ATF6: variants seen among roughly 807,000 people sequenced by gnomAD.
ATF6 encodes the protein activating transcription factor 6, also known as cyclic AMP-dependent transcription factor ATF-6 alpha.
ATF6 carries 53 observed loss-of-function variants against 83.6 expected under a neutral mutation model. The observed-to-expected ratio is 0.63, with a 90% CI of 0.51 to 0.80. ATF6 has a LOEUF of 0.80. Among genes scored for constraint, ATF6 ranks in the 30% least tolerant of loss-of-function variants. ATF6 has a pLI of 0.00. For missense variants in ATF6, 744 were observed against 797.9 expected (o/e 0.93, Z 0.81); for synonymous variants, 288 against 285.8 (o/e 1.01, Z -0.08).
At chr1:161,889,976 T>C (rs1205294684) in intron 14 of ATF6, among the ~76,000 whole-genome samples, 2 of 152,254 alleles carry the variant, frequency 1.3e-5, no homozygotes, top group African/African-American at 4.8e-5. Context: ...ACACCCTTTA[T>C]GCAGATATAT....
intron 14 of ATF6, among the ~76,000 whole-genome samples, chr1:161,905,988 A>G (rs1424731359): frequency 6.6e-6 from 1 of 151,888 alleles, no homozygotes; most frequent in Non-Finnish European, 1.5e-5. Context: ...GCCTGCCACC[A>G]CGCCTGGCTA....
intron 6 of ATF6, among the ~76,000 whole-genome samples, chr1:161,799,324 C>CCTA (rs1425594191): frequency 9.0e-4 from 137 of 152,208 alleles, no homozygotes; most frequent in Middle Eastern, 3.4e-3. Flanking sequence ...ATAATTAATG[C>CCTA]AGGAACAGAA....
intron 15 of ATF6, among the ~76,000 whole-genome samples, chr1:161,930,582 T>C (rs1688410724): frequency 6.6e-6 from 1 of 152,230 alleles, no homozygotes; most frequent in Non-Finnish European, 1.5e-5. Context: ...CACTGGTCAG[T>C]TACTGTTTTG....
At chr1:161,804,410 G>C (rs1253833160) in intron 7 of ATF6, among the ~76,000 whole-genome samples, 1 of 152,096 alleles carries the variant, frequency 6.6e-6, no homozygotes, top group Non-Finnish European at 1.5e-5. Context: ...AGCATAGCTA[G>C]GATGGGGAGA....
intron 14 of ATF6, among the ~76,000 whole-genome samples, chr1:161,906,668 C>G (rs1282477506): frequency 6.6e-6 from 1 of 152,176 alleles, no homozygotes; most frequent in Non-Finnish European, 1.5e-5. Context: ...TCAAAAGTTT[C>G]CTCTTGTCAA....
Position 161,945,289 on chromosome 1 carries a change from A to G in ATF6, c.1805-13157A>G, listed in dbSNP as rs192539599. Reference sequence around the variant, plus strand: ...AGCATTTATTTGAAAACAAAATGAAACAAAACACCAATGCCCTCAGTCACC... The same window carrying G: ...AGCATTTATTTGAAAACAAAATGAAGCAAAACACCAATGCCCTCAGTCACC... On this transcript the variant is annotated intron_variant, in intron 15 of 15. Transcript: ENST00000367942. 4.4e-3 allele frequency among the ~76,000 whole-genome samples: 670 copies of G among 152,386 alleles called. 4 individuals are homozygous for G. The highest frequency in any genetic ancestry group is 6.3e-3 in the Non-Finnish European group (430 of 68,036).
intron 14 of ATF6, among the ~76,000 whole-genome samples, chr1:161,884,549 A>G (rs1195897702): frequency 1.3e-5 from 2 of 152,048 alleles, no homozygotes; most frequent in Non-Finnish European, 2.9e-5. Context: ...TCTAACTGTA[A>G]TTATCCTCAA....
intron 15 of ATF6, among the ~76,000 whole-genome samples, chr1:161,916,093 T>G (rs971470138): frequency 2.2e-4 from 34 of 152,348 alleles, no homozygotes; most frequent in African/African-American, 7.9e-4. Flanking sequence ...CTTTTGCCAT[T>G]TCACTTCATG....
intron 15 of ATF6, among the ~76,000 whole-genome samples, chr1:161,931,100 C>G (rs1688423877): frequency 6.6e-6 from 1 of 152,140 alleles, no homozygotes; most frequent in Non-Finnish European, 1.5e-5. Flanking sequence ...GTCTCAAACT[C>G]CTGACCTCAA....
chr1:161,836,502 G>A (rs1356044561), intron 9 of ATF6, among the ~76,000 whole-genome samples: 4 of 152,192 alleles, frequency 2.6e-5, no homozygotes, highest in Non-Finnish European at 5.9e-5. Context: ...TACTGAATCT[G>A]GAATTGCAGG....
chr1:161,877,141 C>T (rs965915543), intron 14 of ATF6, among the ~76,000 whole-genome samples: 4 of 151,888 alleles, frequency 2.6e-5, no homozygotes, highest in African/African-American at 9.7e-5. Flanking sequence ...GCTTGTTTCT[C>T]TTAAGGTTTA....
intron 1 of ATF6, among the ~76,000 whole-genome samples, chr1:161,769,184 G>A (rs958243353): frequency 6.6e-6 from 1 of 152,104 alleles, no homozygotes; most frequent in Non-Finnish European, 1.5e-5. Context: ...AGTGAGCATG[G>A]CTGTGTTTCT....
chr1:161,773,910 C>G (rs1336999880), intron 1 of ATF6, among the ~76,000 whole-genome samples: 7 of 152,072 alleles, frequency 4.6e-5, no homozygotes, highest in African/African-American at 1.4e-4. Context: ...TTTTTAACCA[C>G]AGAAAAGTCA....
chr1:161,904,668 G>T (rs781209865), intron 14 of ATF6, among the ~76,000 whole-genome samples: 1 of 151,622 alleles, frequency 6.6e-6, no homozygotes, highest in Non-Finnish European at 1.5e-5. Context: ...TGGAAACTGA[G>T]AACTTACTGT....
intron 14 of ATF6, among the ~76,000 whole-genome samples, chr1:161,877,252 C>T (rs1020345446): frequency 4.6e-5 from 7 of 152,110 alleles, no homozygotes; most frequent in Non-Finnish European, 1.0e-4. Context: ...AATACATAGT[C>T]TCTGTGCTCA....
chr1:161,929,896 T>A (rs1236762726), intron 15 of ATF6, among the ~76,000 whole-genome samples: 5 of 152,250 alleles, frequency 3.3e-5, no homozygotes, highest in African/African-American at 1.2e-4. Flanking sequence ...GTACAGGCAC[T>A]ATCATCTCTC....
intron 15 of ATF6, among the ~76,000 whole-genome samples, chr1:161,932,655 A>G (rs546917503): frequency 8.2e-4 from 125 of 152,328 alleles, no homozygotes; most frequent in Admixed American, 2.8e-3. Context: ...ATTACCCCCA[A>G]AACTTTAATG....
At chr1:161,774,666 CA>C (rs1284228513) in intron 1 of ATF6, among the ~76,000 whole-genome samples, 2 of 152,104 alleles carry the variant, frequency 1.3e-5, no homozygotes, top group East Asian at 3.9e-4. Flanking sequence ...TCCTGCCTCC[CA>C]AAAGAAGGCC....
chr1:161,791,104 CTCTG>C (rs1557961812), intron 4 of ATF6, among the ~76,000 whole-genome samples: 17 of 98,736 alleles, frequency 1.7e-4, no homozygotes, highest in African/African-American at 7.9e-4. Flanking sequence ...GTGTGTGTGT[CTCTG>C]TGTGTGTGTG....
Sources: allele counts gnomAD v4.1 joint callset (sites outside exome capture counted in the v4.1 genomes callset), GRCh38; gene constraint gnomAD v4.1.1; transcripts MANE v1.5; gene names NCBI Gene and HGNC (gene_info 2026-07-23, HGNC 2026-07-21).